Variants in USP47 observed in about 807,000 individuals in gnomAD.
USP47 encodes the protein ubiquitin carboxyl-terminal hydrolase 47.
USP47 carries 35 observed loss-of-function variants against 165.1 expected under a neutral mutation model. The ratio of observed to expected loss-of-function variants is 0.21; its 90% CI spans 0.16 to 0.28. The LOEUF (loss-of-function observed/expected upper bound fraction) is 0.28, where lower values mean the gene tolerates loss of function less well. Ranked by LOEUF, USP47 falls within the 10% of genes least tolerant of loss-of-function variation. The pLI, the probability that USP47 is intolerant of heterozygous loss-of-function variation, is 1.00. For missense variants in USP47, 1,277 were observed against 1,607.4 expected, an observed-to-expected ratio of 0.79 and a Z score of 3.52; for synonymous variants, 531 against 544.5, an observed-to-expected ratio of 0.98 and a Z score of 0.35.
Position 11,936,561 on chromosome 11 carries a change from A to G in USP47, c.2077+51A>G, listed in dbSNP as rs75222275. Reference sequence around the variant, plus strand: ...TTGTTCTGTACTTAGAATTTTCATGAGAAAGTTTTTTTTTTTATTGTAGAA... The same window carrying G: ...TTGTTCTGTACTTAGAATTTTCATGGGAAAGTTTTTTTTTTTATTGTAGAA... On this transcript the variant is annotated intron_variant, in intron 17 of 27. Coordinates refer to ENST00000527733, the MANE Select transcript of USP47 (RefSeq NM_001282659.2). 7.2e-3 allele frequency: 10,029 copies of G among 1,400,720 alleles called. 151 individuals carry two copies. Among genetic ancestry groups the G allele is most frequent in the African/African-American group, 0.055 (3,772 of 68,762 alleles). 86.8% of individuals were successfully genotyped at this position (1,400,720 alleles called of 1,614,324 possible).
chr11:11,955,481 A>G (rs1424365964), intron 27 of USP47, among the ~76,000 whole-genome samples: 2 of 152,184 alleles, frequency 1.3e-5, no homozygotes, highest in Admixed American at 6.5e-5. Context: ...GAAATATTGT[A>G]TGTCTGTTAT....
At chr11:11,914,410 T>C (rs915336938) in intron 8 of USP47, among the ~76,000 whole-genome samples, 1 of 152,078 alleles carries the variant, frequency 6.6e-6, no homozygotes, top group Non-Finnish European at 1.5e-5. Flanking sequence ...AAATGGGTCA[T>C]AAACTTAAAT....
chr11:11,858,447 GACAA>G (rs148775208), intron 1 of USP47, among the ~76,000 whole-genome samples: 1,681 of 152,072 alleles, frequency 0.011, 28 homozygotes, highest in African/African-American at 0.038. Context: ...TGTAAGTTTT[GACAA>G]ACATACAGTT....
chr11:11,949,278 A>G (rs1856061593), intron 22 of USP47, among the ~76,000 whole-genome samples: 1 of 152,076 alleles, frequency 6.6e-6, no homozygotes, highest in Non-Finnish European at 1.5e-5. Flanking sequence ...TAAGGCAAAG[A>G]TCATATTTTC....
In USP47 at chr11:11,943,025, A is replaced by G. The variant is rs1457959376; in HGVS notation, c.3004A>G (p.Ser1002Gly). ...TGGAACTGATAGTGAATATGATGAG[A>G]GTGGCAAGAGTAGGGGAGAAATGCA... ...DSGTDSEYDESGKSRGEMQYM... is the reference protein window; with the variant it reads ...DSGTDSEYDEGGKSRGEMQYM... Residue 1002 changes from serine (S) to glycine (G), a missense_variant, in exon 20 of 28, where the codon AGT becomes GGT. Physicochemically the swap from Ser to Gly is moderately conservative, Grantham distance 56. Transcript: ENST00000527733. 3 of 1,613,480 alleles carry G rather than the reference A, an allele frequency of 1.9e-6. No individual in the cohort carries two copies. In the African/African-American group the frequency reaches 4.0e-5, roughly 22 times the overall value.
chr11:11,924,236 G>A (rs1854074981), intron 11 of USP47, among the ~76,000 whole-genome samples: 1 of 152,094 alleles, frequency 6.6e-6, no homozygotes, highest in Admixed American at 6.6e-5. Context: ...ATATGATCAT[G>A]TATGTAATTT....
intron 1 of USP47, among the ~76,000 whole-genome samples, chr11:11,877,849 G>T (rs1590282521): frequency 1.2e-5 from 1 of 81,378 alleles, no homozygotes; most frequent in East Asian, 5.3e-4. Context: ...GTGTGTGTGT[G>T]TGTGTGTGTG....
chr11:11,950,011 T>A lies in USP47; in HGVS notation c.3464+7T>A. 1 of 1,580,466 alleles carries A rather than the reference T, an allele frequency of 6.3e-7. No homozygotes were observed. Among genetic ancestry groups the A allele is most frequent in the Non-Finnish European group, 8.7e-7 (1 of 1,152,708 alleles). On this transcript the variant is annotated splice_region_variant and intron_variant, in intron 23 of 27. Transcript: ENST00000527733. ...TAGAGCTCAGTATTGACAGGTAAAG[T>A]AAAATTAATGTCATCAGCGATTTGA...
At chr11:11,854,928 C>A (rs1483101313) in intron 1 of USP47, among the ~76,000 whole-genome samples, 2 of 126,626 alleles carry the variant, frequency 1.6e-5, no homozygotes, top group African/African-American at 5.1e-5. Flanking sequence ...CCCGTCTCTA[C>A]CAAAAATACA....
chr11:11,842,591 C>G (rs550090664), intron 1 of USP47, among the ~76,000 whole-genome samples: 82 of 152,336 alleles, frequency 5.4e-4, no homozygotes, highest in African/African-American at 1.8e-3. Flanking sequence ...ATGGGCACGG[C>G]AGGGTGACGG....
At chr11:11,916,742 A>T (rs1221017333) in intron 8 of USP47, among the ~76,000 whole-genome samples, 1 of 152,200 alleles carries the variant, frequency 6.6e-6, no homozygotes, top group Non-Finnish European at 1.5e-5. Flanking sequence ...GTGGACCAGA[A>T]CTAATAGATA....
At chr11:11,904,857 A>G (rs1852447235) in intron 7 of USP47, among the ~76,000 whole-genome samples, 1 of 152,126 alleles carries the variant, frequency 6.6e-6, no homozygotes, top group African/African-American at 2.4e-5. Flanking sequence ...AAATTGTGTT[A>G]TGTATATTAC....
At chr11:11,927,762 ATAG>A (rs1480107596) in intron 11 of USP47, among the ~76,000 whole-genome samples, 1 of 152,074 alleles carries the variant, frequency 6.6e-6, no homozygotes, top group Admixed American at 6.6e-5. Flanking sequence ...GCTTTGTTAA[ATAG>A]TAGTAAAAGA....
chr11:11,885,748 C>T (rs1851118349), intron 3 of USP47, among the ~76,000 whole-genome samples: 1 of 152,138 alleles, frequency 6.6e-6, no homozygotes, highest in Admixed American at 6.5e-5. Context: ...TTCTGCAGGC[C>T]CCACTTCCAC....
chr11:11,920,418 A>G lies in USP47; in HGVS notation c.1142A>G (p.His381Arg). ...KRFDFDYTTMHRIKLNDRMTF... is the reference protein window; with the variant it reads ...KRFDFDYTTMRRIKLNDRMTF... The stretch of plus-strand genomic sequence containing the variant: ...TTCGATTTTGATTATACAACCATGC[A>G]TAGGATTAAACTGAATGATCGAATG... The change falls in exon 10 of 28, where the codon CAT becomes CGT. Residue 381 changes from histidine to arginine, a missense_variant. His to Arg is a conservative substitution (Grantham distance 29). Around this residue, in one of 4 missense-constraint regions of USP47, gnomAD observed 175 missense variants for 295.8 expected, o/e 0.59. Coordinates refer to ENST00000527733, the MANE Select transcript of USP47 (RefSeq NM_001282659.2). The G allele has an allele frequency of 1.2e-6, 2 of 1,611,622 alleles. No individual in the cohort carries two copies. Among genetic ancestry groups the G allele is most frequent in the East Asian group, 2.2e-5 (1 of 44,752 alleles).
At chr11:11,922,655 G>T in intron 10 of USP47, 69 bp from the exon 11 acceptor site, 1 of 1,319,072 alleles carries the variant, frequency 7.6e-7, no homozygotes, top group Non-Finnish European at 1.0e-6. Flanking sequence ...CAGTATATAG[G>T]TACAAAGTTT....
intron 8 of USP47, among the ~76,000 whole-genome samples, chr11:11,908,613 TATG>T (rs1346168962): frequency 1.3e-5 from 2 of 152,120 alleles, no homozygotes; most frequent in Non-Finnish European, 2.9e-5. Context: ...TTTTTTTTAG[TATG>T]ATAACAGGTT....
At chr11:11,862,991 G>A (rs923273504) in intron 1 of USP47, among the ~76,000 whole-genome samples, 1 of 152,102 alleles carries the variant, frequency 6.6e-6, no homozygotes, top group Admixed American at 6.5e-5. Flanking sequence ...CACCCACTTA[G>A]GGCTAAGAAG....
At chr11:11,896,305 A>G (rs756538209) in intron 4 of USP47, among the ~76,000 whole-genome samples, 1 of 152,180 alleles carries the variant, frequency 6.6e-6, no homozygotes, top group Non-Finnish European at 1.5e-5. Flanking sequence ...TACATGATTG[A>G]TGTGTATGTA....
Sources: allele counts gnomAD v4.1 joint callset (sites outside exome capture counted in the v4.1 genomes callset), GRCh38; gene constraint gnomAD v4.1.1; regional missense constraint gnomAD v4.1.1; transcripts MANE v1.5; gene names NCBI Gene and HGNC (gene_info 2026-07-23, HGNC 2026-07-21).